NRBP1: variants seen among roughly 807,000 people sequenced by gnomAD.
NRBP1 encodes nuclear receptor-binding protein.
Under a neutral mutation model 76.0 loss-of-function variants are expected in NRBP1, and 10 were observed. The observed-to-expected ratio is 0.13, with a 90% confidence interval of 0.08 to 0.22. NRBP1 has a LOEUF of 0.22. NRBP1 is among the 10% of genes least tolerant of loss of function. The pLI is 1.00. For missense variants in NRBP1, 344 were observed against 646.0 expected (o/e 0.53, Z 5.07); for synonymous variants, 235 against 240.2 (o/e 0.98, Z 0.20).
intron 7 of NRBP1, chr2:27,435,799 C>G: frequency 1.4e-6 from 1 of 717,532 alleles, no homozygotes; most frequent in South Asian, 1.5e-5. Flanking sequence ...CCTCTGCTCC[C>G]TTGGCGGCTG....
At position 27,441,722 on chromosome 2, in the gene NRBP1, G is replaced by T; in HGVS notation, c.1518G>T (p.Arg506=). The T allele has an allele frequency of 6.2e-7, 1 of 1,613,852 alleles. No individual in the cohort carries two copies. The highest frequency in any genetic ancestry group is 1.6e-4 in the Middle Eastern group (1 of 6,062). ...LGFISEADQS[R]LTSLLEETLN... ...TTCTCCCCCAGGCTGACCAGAGCCG[G>T]TTGACTTCTCTGCTAGAAGAGACCT... is the stretch of plus-strand genomic sequence containing the variant. Residue 506 remains arginine (R), a synonymous_variant, in exon 18 of 18, where the codon CGG becomes CGT. Coordinates refer to ENST00000379852, the MANE Select transcript of NRBP1 (RefSeq NM_013392.4).
intron 10 of NRBP1, among the ~76,000 whole-genome samples, chr2:27,437,750 G>A (rs188635980): frequency 2.0e-5 from 3 of 152,216 alleles, no homozygotes; most frequent in Admixed American, 1.3e-4. Context: ...GCGGGAGCCT[G>A]TAGTCCCAGC....
chr2:27,434,251 C>T (rs1482111775), intron 4 of NRBP1, among the ~76,000 whole-genome samples, 161 bp downstream of exon 4: 3 of 152,146 alleles, frequency 2.0e-5, no homozygotes. Context: ...GTCACCTATG[C>T]CTTTTGTGTG....
chr2:27,430,478 T>TC (rs61609483), intron 1 of NRBP1, among the ~76,000 whole-genome samples: 48,127 of 137,198 alleles, frequency 0.35, 5,914 homozygotes, highest in African/African-American at 0.44. Flanking sequence ...TCTTTTTTTT[T>TC]TTTTTTTTGA....
At chr2:27,430,717 C>T (rs1287635296) in intron 1 of NRBP1, among the ~76,000 whole-genome samples, 1 of 152,122 alleles carries the variant, frequency 6.6e-6, no homozygotes, top group African/African-American at 2.4e-5. Flanking sequence ...GCCACCATCT[C>T]CCAAAGTGCT....
At chr2:27,436,387 G>A (rs1047265935) in intron 7 of NRBP1, 3 of 213,468 alleles carry the variant, frequency 1.4e-5, no homozygotes, top group Non-Finnish European at 1.9e-5. Flanking sequence ...ATATTTTCAT[G>A]TGAGCAGGGA....
At chr2:27,441,507 T>G in intron 16 of NRBP1, 60 bp from the exon 17 acceptor site, 2 of 1,577,200 alleles carry the variant, frequency 1.3e-6, no homozygotes, top group Non-Finnish European at 1.7e-6. Context: ...TGGGGCTGTC[T>G]GAAGGGCCCC....
At chr2:27,439,965 C>G (rs1324729060) in intron 11 of NRBP1, 67 bp downstream of exon 11, 2 of 759,670 alleles carry the variant, frequency 2.6e-6, no homozygotes, top group East Asian at 8.1e-5. Flanking sequence ...CACTGGCATG[C>G]TTGTTTTCCT....
upstream of NRBP1, chr2:27,428,513 C>G (rs1433517244): frequency 5.1e-6 from 2 of 395,312 alleles, no homozygotes; most frequent in Non-Finnish European, 8.9e-6. Flanking sequence ...AAGCCCACCC[C>G]AGCGAACGCC....
chr2:27,428,051 A>G (rs1663933739), upstream of NRBP1: 1 of 152,254 alleles, frequency 6.6e-6, no homozygotes, highest in Admixed American at 6.5e-5. Flanking sequence ...GTCAACTACC[A>G]TTGAATGATA....
In NRBP1 at chr2:27,442,061, T is replaced by C. The variant is rs528661328; in HGVS notation, c.*249T>C. On this transcript the variant is annotated 3_prime_UTR_variant, in exon 18 of 18. Coordinates refer to ENST00000379852, the MANE Select transcript of NRBP1 (RefSeq NM_013392.4). The stretch of plus-strand genomic sequence containing the variant: ...GGCCTTCTCAGCAGCCGCCTTCTAG[T>C]TGGGGGCTAGTCGCTGATCTGCCGG... The C allele has an allele frequency of 7.1e-4, 379 of 534,806 alleles. No homozygotes were observed. The highest frequency in any genetic ancestry group is 6.6e-3 in the African/African-American group (341 of 51,674). The allele number at this position is 534,806 out of a possible 1,614,324, so 33.1% of individuals were successfully genotyped here.
intron 1 of NRBP1, chr2:27,429,334 T>C (rs920718776): frequency 6.6e-6 from 1 of 152,390 alleles, no homozygotes; most frequent in Non-Finnish European, 1.5e-5. Context: ...TGGACTGTGC[T>C]GCGGGTCTCA....
intron 4 of NRBP1, among the ~76,000 whole-genome samples, 157 bp downstream of exon 4, chr2:27,434,247 T>A (rs1360110236): frequency 6.6e-6 from 1 of 152,252 alleles, no homozygotes; most frequent in East Asian, 1.9e-4. Flanking sequence ...AGTTGTCACC[T>A]ATGCCTTTTG....
At chr2:27,436,122 AAG>A (rs1452960861) in intron 7 of NRBP1, 1 of 360,332 alleles carries the variant, frequency 2.8e-6, no homozygotes, top group African/African-American at 2.1e-5. Flanking sequence ...GTTGAGGAAT[AAG>A]GGGGTAGAAC....
chr2:27,430,632 G>A (rs995600392), intron 1 of NRBP1, among the ~76,000 whole-genome samples: 1 of 151,910 alleles, frequency 6.6e-6, no homozygotes, highest in African/African-American at 2.4e-5. Context: ...ACCACACCCT[G>A]CTAATTTTTG....
Position 27,441,250 on chromosome 2 carries a change from A to C in NRBP1, c.1384-17A>C. 1 of 1,613,968 alleles carries C rather than the reference A, an allele frequency of 6.2e-7. No homozygotes were observed. The highest frequency in any genetic ancestry group is 8.5e-7 in the Non-Finnish European group (1 of 1,179,920). ...TAGGGAAGAAAAGTCTCATTTTCTGACTGTCCTATTCTCCAGCTGACACTT... is the reference window on the plus strand; with the variant it reads ...TAGGGAAGAAAAGTCTCATTTTCTGCCTGTCCTATTCTCCAGCTGACACTT... On this transcript the variant is annotated splice_polypyrimidine_tract_variant and intron_variant, in intron 15 of 17. Coordinates refer to ENST00000379852, the MANE Select transcript of NRBP1 (RefSeq NM_013392.4).
intron 8 of NRBP1, 87 bp downstream of exon 8, chr2:27,436,923 C>G (rs1664328686): frequency 1.4e-6 from 2 of 1,442,942 alleles, no homozygotes; most frequent in African/African-American, 2.8e-5. Flanking sequence ...ATAACTGAAA[C>G]TTCTAGGCCT....
intron 1 of NRBP1, 56 bp from the exon 2 acceptor site, chr2:27,433,198 A>G (rs1012752949): frequency 1.6e-6 from 2 of 1,273,312 alleles, no homozygotes; most frequent in Admixed American, 1.7e-5. Context: ...AAATCTTTAC[A>G]GATGTATCCT....
upstream of NRBP1, chr2:27,428,516 C>G (rs1663952577): frequency 2.5e-6 from 1 of 395,324 alleles, no homozygotes; most frequent in Admixed American, 4.4e-5. Context: ...CCCACCCCAG[C>G]GAACGCCCGA....
Sources: gnomAD v4.1 joint callset for allele counts (sites outside exome capture counted in the v4.1 genomes callset) on GRCh38, gnomAD v4.1.1 for gene constraint, MANE v1.5 for transcripts, NCBI Gene and HGNC (gene_info 2026-07-23, HGNC 2026-07-21) for gene names.